TNRC6C: variants seen among roughly 807,000 people sequenced by gnomAD.
The protein encoded by TNRC6C is trinucleotide repeat-containing gene 6C protein.
A neutral mutation model predicts 153.7 loss-of-function variants in TNRC6C; 20 were observed. The ratio of observed to expected loss-of-function variants is 0.13; its 90% CI spans 0.09 to 0.19. The LOEUF is 0.19. Ranked by LOEUF, TNRC6C falls within the 10% of genes least tolerant of loss-of-function variation. The pLI, the probability that TNRC6C is intolerant of heterozygous loss-of-function variation, is 1.00. For missense variants in TNRC6C, 1,987 were observed against 2,172.0 expected, an observed-to-expected ratio of 0.91 and a Z score of 1.69; for synonymous variants, 811 against 841.4, an observed-to-expected ratio of 0.96 and a Z score of 0.63.
chr17:78,040,670 G>A (rs1047208390), intron 2 of TNRC6C, among the ~76,000 whole-genome samples: 2 of 152,196 alleles, frequency 1.3e-5, no homozygotes, highest in African/African-American at 4.8e-5. Flanking sequence ...TATTCTTTTG[G>A]CTGACTTTCA....
At chr17:78,106,118 G>A (rs559362720) in exon 20 of TNRC6C, 13 of 151,988 alleles carry the variant, frequency 8.6e-5, no homozygotes, top group East Asian at 5.8e-4. Flanking sequence ...GGATGGTTCC[G>A]TGGAAGGAAC....
intron 3 of TNRC6C, among the ~76,000 whole-genome samples, chr17:78,054,042 G>A (rs775271391): frequency 2.0e-5 from 3 of 152,244 alleles, no homozygotes; most frequent in African/African-American, 7.2e-5. Context: ...TAGGCTATAC[G>A]GTACAGCCTG....
At position 78,049,445 on chromosome 17, in the gene TNRC6C, G is replaced by T. The variant is rs200092728; in HGVS notation, c.383G>T (p.Ser128Ile). 1.7e-4 allele frequency: 270 copies of T among 1,613,904 alleles called. 1 individual carries two copies. Among genetic ancestry groups the T allele is most frequent in the Non-Finnish European group, 2.2e-4 (256 of 1,179,886 alleles). The change falls in exon 3 of 20, where the codon AGT becomes ATT. Residue 128 changes from serine (S) to isoleucine (I), a missense_variant. Coordinates refer to ENST00000301624, the Ensembl canonical transcript of TNRC6C. The surrounding 1 kb of genome is among the most constrained non-coding windows in gnomAD (Gnocchi z 4.1). ...ACAGGCAACCCTTCCAGTATTTGCA[G>T]TCCAGTCAGTGCCATAGGTCAAAAT...
chr17:78,008,840 CAGTT>C (rs1032785626), intron 1 of TNRC6C: 12 of 152,268 alleles, frequency 7.9e-5, no homozygotes, highest in African/African-American at 2.2e-4. Flanking sequence ...TACCCATTAA[CAGTT>C]AGCCATCCTT....
At chr17:78,088,385 A>G (rs1052907284) in intron 13 of TNRC6C, among the ~76,000 whole-genome samples, 3 of 151,358 alleles carry the variant, frequency 2.0e-5, no homozygotes, top group Admixed American at 1.3e-4. Flanking sequence ...GTTTGCTTCA[A>G]TTTCTTTATT....
intron 1 of TNRC6C, among the ~76,000 whole-genome samples, chr17:77,977,740 T>A (rs989901806): frequency 6.6e-6 from 1 of 152,122 alleles, no homozygotes; most frequent in Non-Finnish European, 1.5e-5. Context: ...AGCTTTCCAG[T>A]TTATTTTATG....
At chr17:77,970,599 T>A (rs1294402314) in intron 1 of TNRC6C, among the ~76,000 whole-genome samples, 1 of 152,166 alleles carries the variant, frequency 6.6e-6, no homozygotes, top group Non-Finnish European at 1.5e-5. Context: ...CAGCCCGGGA[T>A]AGCTTTGAAT....
At chr17:78,027,727 C>T (rs2071970246) in intron 1 of TNRC6C, among the ~76,000 whole-genome samples, 1 of 152,168 alleles carries the variant, frequency 6.6e-6, no homozygotes, top group Non-Finnish European at 1.5e-5. Context: ...GGAAAATATG[C>T]TGCCTGTGCA....
At chr17:78,005,061 G>A (rs1306966646) in exon 1 of TNRC6C, 53 of 1,221,998 alleles carry the variant, frequency 4.3e-5, no homozygotes, top group Non-Finnish European at 5.0e-5. Flanking sequence ...TTTTCAGGCT[G>A]CTGATCAAAA....
At chr17:78,062,759 T>C (rs2072793668) in intron 3 of TNRC6C, among the ~76,000 whole-genome samples, 1 of 152,204 alleles carries the variant, frequency 6.6e-6, no homozygotes, top group African/African-American at 2.4e-5. Context: ...CATAACCTCT[T>C]CTGTGCCTGT....
chr17:78,095,354 G>A (rs1277848335), intron 16 of TNRC6C, among the ~76,000 whole-genome samples: 5 of 152,194 alleles, frequency 3.3e-5, no homozygotes, highest in Non-Finnish European at 7.3e-5. Flanking sequence ...ATCAACTTGC[G>A]GGGAGGGCAG....
At chr17:78,054,984 A>G (rs956433397) in intron 3 of TNRC6C, among the ~76,000 whole-genome samples, 17 of 151,486 alleles carry the variant, frequency 1.1e-4, no homozygotes, top group African/African-American at 4.1e-4. Context: ...GTACGCTACC[A>G]TACACCACTG....
At chr17:78,092,662 T>C (rs928841417) in intron 14 of TNRC6C, among the ~76,000 whole-genome samples, 1 of 152,144 alleles carries the variant, frequency 6.6e-6, no homozygotes, top group African/African-American at 2.4e-5. Context: ...GGAGGATCGC[T>C]TGAGCCCAGG....
intron 8 of TNRC6C, among the ~76,000 whole-genome samples, chr17:78,076,919 C>G (rs2073095402): frequency 6.6e-6 from 1 of 152,204 alleles, no homozygotes; most frequent in South Asian, 2.1e-4. Flanking sequence ...GTGCTCCTAC[C>G]TGAGGCAGGG....
At chr17:78,084,754 G>A (rs530120318) in intron 11 of TNRC6C, among the ~76,000 whole-genome samples, 18 of 151,436 alleles carry the variant, frequency 1.2e-4, no homozygotes, top group African/African-American at 3.9e-4. Flanking sequence ...TCAGCCTCCC[G>A]AGTAGCTGGG....
At chr17:77,995,909 C>CA (rs1225026598) in intron 1 of TNRC6C, among the ~76,000 whole-genome samples, 5 of 152,132 alleles carry the variant, frequency 3.3e-5, no homozygotes, top group Admixed American at 1.3e-4. Context: ...ACTGTCTCCA[C>CA]AAAAAATTTA....
At chr17:78,007,751 A>G (rs996182355) in intron 1 of TNRC6C, among the ~76,000 whole-genome samples, 50 of 152,336 alleles carry the variant, frequency 3.3e-4, no homozygotes, top group African/African-American at 1.1e-3. Context: ...TATAAATTAG[A>G]TTGCATAATA....
At chr17:77,992,799 A>T (rs2071271867) in intron 1 of TNRC6C, among the ~76,000 whole-genome samples, 1 of 152,190 alleles carries the variant, frequency 6.6e-6, no homozygotes, top group East Asian at 1.9e-4. Flanking sequence ...CTTGTAGAAC[A>T]GGTGGGTGTT....
chr17:78,007,079 A>G (rs2071532803), intron 1 of TNRC6C, among the ~76,000 whole-genome samples: 1 of 151,802 alleles, frequency 6.6e-6, no homozygotes. Context: ...CTGACCTCAA[A>G]TGATTCCCCC....
Sources: gnomAD v4.1 joint callset for allele counts (sites outside exome capture counted in the v4.1 genomes callset) on GRCh38, gnomAD v4.1.1 for gene constraint, Gnocchi (gnomAD v3.1) non-coding constraint, MANE v1.5 for transcripts, NCBI Gene and HGNC (gene_info 2026-07-23, HGNC 2026-07-21) for gene names.